GABRB3: variants seen among roughly 807,000 people sequenced by gnomAD.
The protein encoded by GABRB3 is gamma-aminobutyric acid receptor subunit beta-3.
GABRB3 carries 14 observed loss-of-function variants against 52.1 expected under a neutral mutation model. The ratio of observed to expected loss-of-function variants is 0.27; its 90% CI spans 0.18 to 0.42. GABRB3 has a LOEUF of 0.42. GABRB3 is among the 10% of genes least tolerant of loss of function. The pLI, the probability that GABRB3 is intolerant of heterozygous loss-of-function variation, is 1.00. For synonymous variants in GABRB3, 260 were observed against 232.3 expected, an observed-to-expected ratio of 1.12 and a Z score of -1.08; for missense variants, 307 against 609.1, an observed-to-expected ratio of 0.50 and a Z score of 5.22.
intron 3 of GABRB3, among the ~76,000 whole-genome samples, chr15:26,711,566 AC>A (rs1889296959): frequency 6.6e-6 from 1 of 152,068 alleles, no homozygotes; most frequent in African/African-American, 2.4e-5. Context: ...AGATTTGTCA[AC>A]ACTACCTCCC....
At chr15:26,632,205 G>A (rs1481876396) in intron 3 of GABRB3, among the ~76,000 whole-genome samples, 2 of 152,234 alleles carry the variant, frequency 1.3e-5, no homozygotes, top group East Asian at 1.9e-4. Flanking sequence ...ACAGCAATGC[G>A]AAAGAAGTAT....
chr15:26,765,146 G>T (rs1408180534), intron 3 of GABRB3, among the ~76,000 whole-genome samples: 1 of 63,584 alleles, frequency 1.6e-5, no homozygotes. Flanking sequence ...AAAAAAAAAA[G>T]TCAAAACTTC....
chr15:26,575,071 T>C (rs897974872), intron 6 of GABRB3, among the ~76,000 whole-genome samples: 4 of 152,238 alleles, frequency 2.6e-5, no homozygotes, highest in African/African-American at 9.6e-5. Context: ...TTCATGATTC[T>C]GTAATCAGAG....
In GABRB3 at chr15:26,664,980, G is replaced by A. The variant is rs117028967; in HGVS notation, c.241-43446C>T. On this transcript the variant is annotated intron_variant, in intron 3 of 8. Transcript: ENST00000311550. ...CTCCCAAAGTGCTGGGATTACAGGC[G>A]TGAACGCCCTTATCATTTCTTTGGG... Among the ~76,000 whole-genome samples, 297 of 152,100 alleles carry A rather than the reference G, an allele frequency of 2.0e-3. 9 individuals carry two copies. The East Asian group carries it at 0.053, about 27-fold the overall frequency.
At position 26,747,597 on chromosome 15, in the gene GABRB3, T is replaced by C. The variant is rs529188931; in HGVS notation, c.240+24805A>G. 1.5e-4 allele frequency among the ~76,000 whole-genome samples: 23 copies of C among 152,364 alleles called. No individual in the cohort carries two copies. The East Asian group carries it at 3.3e-3, about 22-fold the overall frequency. ...CCAGTAATCTTGTTTAATTCACTTA[T>C]CAGTTCCAGAAGTTTTTATATAAAT... On this transcript the variant is annotated intron_variant, in intron 3 of 8. Transcript: ENST00000311550.
At chr15:26,732,791 C>G (rs1889967557) in intron 3 of GABRB3, among the ~76,000 whole-genome samples, 1 of 152,088 alleles carries the variant, frequency 6.6e-6, no homozygotes, top group South Asian at 2.1e-4. Context: ...GAGATCAAGA[C>G]CATCCTGGCC....
At chr15:26,719,322 C>G (rs896633404) in intron 3 of GABRB3, among the ~76,000 whole-genome samples, 3 of 152,212 alleles carry the variant, frequency 2.0e-5, no homozygotes, top group African/African-American at 7.2e-5. Context: ...GACAGGTATG[C>G]CTTCCTTTCC....
At chr15:26,607,869 A>G (rs1191419128) in intron 4 of GABRB3, among the ~76,000 whole-genome samples, 1 of 152,066 alleles carries the variant, frequency 6.6e-6, no homozygotes, top group African/African-American at 2.4e-5. Flanking sequence ...AAGGATTACT[A>G]TTATTAAAAT....
At chr15:26,564,287 G>T (rs1890087090) in intron 7 of GABRB3, among the ~76,000 whole-genome samples, 1 of 152,190 alleles carries the variant, frequency 6.6e-6, no homozygotes, top group African/African-American at 2.4e-5. Context: ...TTCACTGAGG[G>T]TTTTGAGGGA....
At chr15:26,605,015 C>A (rs1205708348) in intron 4 of GABRB3, among the ~76,000 whole-genome samples, 1 of 151,972 alleles carries the variant, frequency 6.6e-6, no homozygotes, top group Non-Finnish European at 1.5e-5. Context: ...TGCAAACTAC[C>A]CATTTGATAA....
intron 4 of GABRB3, among the ~76,000 whole-genome samples, chr15:26,620,553 A>C (rs1892444945): frequency 6.6e-6 from 1 of 152,240 alleles, no homozygotes. Flanking sequence ...CCAGGAGAGC[A>C]AGAAACAGAC....
intron 5 of GABRB3, among the ~76,000 whole-genome samples, chr15:26,582,269 A>G (rs1375263344): frequency 5.3e-5 from 8 of 152,206 alleles, no homozygotes; most frequent in African/African-American, 1.7e-4. Flanking sequence ...TTGAAACAGG[A>G]GCTGCTGCCT....
chr15:26,677,822 G>A (rs1472347202), intron 3 of GABRB3, among the ~76,000 whole-genome samples: 1 of 152,106 alleles, frequency 6.6e-6, no homozygotes, highest in Non-Finnish European at 1.5e-5. Context: ...GTTCCCATAA[G>A]AATTTGTAAA....
intron 3 of GABRB3, among the ~76,000 whole-genome samples, chr15:26,674,262 A>G (rs1224644834): frequency 6.6e-6 from 1 of 151,568 alleles, no homozygotes; most frequent in African/African-American, 2.4e-5. Context: ...TTTGCCTGGC[A>G]TGGTGGCAGG....
At chr15:26,724,056 A>G (rs1170362920) in intron 3 of GABRB3, among the ~76,000 whole-genome samples, 2 of 152,172 alleles carry the variant, frequency 1.3e-5, no homozygotes, top group Non-Finnish European at 2.9e-5. Context: ...CCACGTGTAC[A>G]TCACTCTGCT....
chr15:26,638,827 G>A (rs1433010501), intron 3 of GABRB3, among the ~76,000 whole-genome samples: 1 of 152,046 alleles, frequency 6.6e-6, no homozygotes, highest in Admixed American at 6.6e-5. Flanking sequence ...TCTATTTCCT[G>A]AAATCAACAG....
chr15:26,587,897 G>C (rs1326399004), intron 4 of GABRB3, among the ~76,000 whole-genome samples: 1 of 152,168 alleles, frequency 6.6e-6, no homozygotes, highest in East Asian at 1.9e-4. Flanking sequence ...TCTGTGATCT[G>C]AGAATTCCAC....
chr15:26,694,045 T>C (rs186533298), intron 3 of GABRB3, among the ~76,000 whole-genome samples: 100 of 152,146 alleles, frequency 6.6e-4, no homozygotes, highest in Admixed American at 6.5e-3. Flanking sequence ...GGCCAGGAGT[T>C]TGAGAACAGC....
intron 4 of GABRB3, among the ~76,000 whole-genome samples, chr15:26,619,399 T>G (rs1307714589): frequency 2.6e-5 from 4 of 151,660 alleles, no homozygotes; most frequent in Non-Finnish European, 4.4e-5. Context: ...ATCATCATTC[T>G]CAGTAAACTA....
Sources: allele counts gnomAD v4.1 joint callset (sites outside exome capture counted in the v4.1 genomes callset), GRCh38; gene constraint gnomAD v4.1.1; transcripts MANE v1.5; gene names NCBI Gene and HGNC (gene_info 2026-07-23, HGNC 2026-07-21).